Variants in RHOU observed in about 807,000 individuals in gnomAD.
The protein encoded by RHOU is rho-related GTP-binding protein RhoU.
RHOU carries 8 observed loss-of-function variants against 12.6 expected under a neutral mutation model. The ratio of observed to expected loss-of-function variants is 0.64; its 90% CI spans 0.37 to 1.15. The LOEUF (loss-of-function observed/expected upper bound fraction) is 1.15. RHOU is among the 50% of genes most tolerant of loss of function. RHOU has a pLI of 0.01. For synonymous variants in RHOU, 161 were observed against 147.4 expected (o/e 1.09, Z -0.67); for missense variants, 258 against 347.0 (o/e 0.74, Z 2.04).
chr1:228,738,099 C>T lies in RHOU; in HGVS notation c.321+368C>T, dbSNP rs1364355548. Reference sequence around the variant, plus strand: ...AACTAAGTTAGTGATGTCTTATAATCGTTTTATTAAAGGCCAGTGAGTCAG... The same window carrying T: ...AACTAAGTTAGTGATGTCTTATAATTGTTTTATTAAAGGCCAGTGAGTCAG... On this transcript the variant is annotated intron_variant, in intron 2 of 2. Coordinates refer to ENST00000366691, the MANE Select transcript of RHOU (RefSeq NM_021205.6). This position sits in a 1 kb window ranked among gnomAD's most constrained non-coding sequence, Gnocchi z 4.2. Among the ~76,000 whole-genome samples, 3 of 152,110 alleles carry T rather than the reference C, an allele frequency of 2.0e-5. No individual in the cohort carries two copies. The East Asian group carries it at 5.8e-4, about 29-fold the overall frequency.
At chr1:228,723,574 T>C in the RHOU span, among the ~76,000 whole-genome samples, 1 of 152,322 alleles carries the variant, frequency 6.6e-6, no homozygotes, top group African/African-American at 2.4e-5. Context: ...CATGTTTGGG[T>C]GGACCCAGTT....
the RHOU span, among the ~76,000 whole-genome samples, chr1:228,676,370 G>T: frequency 5.9e-5 from 9 of 152,026 alleles, no homozygotes; most frequent in Non-Finnish European, 1.2e-4. Flanking sequence ...GTTTGTTTTT[G>T]CCCAGACATG....
At chr1:228,658,770 C>A in the RHOU span, among the ~76,000 whole-genome samples, 2,339 of 152,266 alleles carry the variant, frequency 0.015, 63 homozygotes, top group African/African-American at 0.052. Flanking sequence ...TCAAGTCCTG[C>A]AGTTGGCCCT....
chr1:228,714,616 C>G, the RHOU span, among the ~76,000 whole-genome samples: 1 of 151,920 alleles, frequency 6.6e-6, no homozygotes, highest in African/African-American at 2.4e-5. Flanking sequence ...TTCAAAATAG[C>G]CTCTTGTGAT....
the RHOU span, among the ~76,000 whole-genome samples, chr1:228,716,548 C>T: frequency 2.6e-5 from 4 of 152,230 alleles, no homozygotes; most frequent in South Asian, 2.1e-4. Context: ...AGTTTAATAT[C>T]GTCTGCTTAT....
rs142593448 is a variant in RHOU at position 228,738,383 on chromosome 1, C to A, written c.321+652C>A. Among the ~76,000 whole-genome samples the A allele has an allele frequency of 1.5e-4, 23 of 152,174 alleles. No individual in the cohort carries two copies. In the East Asian group the frequency reaches 4.3e-3, roughly 28 times the overall value. On this transcript the variant is annotated intron_variant, in intron 2 of 2. Coordinates refer to ENST00000366691, the MANE Select transcript of RHOU (RefSeq NM_021205.6). This position sits in a 1 kb window ranked among gnomAD's most constrained non-coding sequence, Gnocchi z 4.2. The stretch of plus-strand genomic sequence containing the variant: ...GTGTAGGGTTCCCTCTTTGTGTTCC[C>A]CAGAAGAAGCCCCCATTGGTGGGTA...
Position 228,743,698 on chromosome 1 carries a change from C to A in RHOU, c.735C>A (p.Asn245Lys). 1 of 1,613,942 alleles carries A rather than the reference C, an allele frequency of 6.2e-7. No individual in the cohort carries two copies. Among genetic ancestry groups the A allele is most frequent in the South Asian group, 1.1e-5 (1 of 91,060 alleles). Residue 245 changes from asparagine to lysine, a missense_variant, in exon 3 of 3, where the codon AAC becomes AAA. Physicochemically the swap from Asn to Lys is moderately conservative, Grantham distance 94. Coordinates refer to ENST00000366691, the MANE Select transcript of RHOU (RefSeq NM_021205.6). This position sits in a 1 kb window ranked among gnomAD's most constrained non-coding sequence, Gnocchi z 5.1. ...GCAGGACTCCAGATAAAATGAAAAA[C>A]CTCTCCAAGTCCTGGTGGAAGAAGT... ...SKSRTPDKMK[N>K]LSKSWWKKYC...
rs41270189 is a variant in RHOU at position 228,743,141 on chromosome 1, C to G, written c.322-144C>G. 1 of 785,256 alleles carries G rather than the reference C, an allele frequency of 1.3e-6. No individual in the cohort carries two copies. The highest frequency in any genetic ancestry group is 2.4e-5 in the East Asian group (1 of 40,986). The allele number at this position is 785,256 out of a possible 1,614,324, so 48.6% of individuals were successfully genotyped here. On this transcript the variant is annotated intron_variant, in intron 2 of 2. Transcript: ENST00000366691. The surrounding 1 kb of genome is among the most constrained non-coding windows in gnomAD (Gnocchi z 5.1). ...GCCCCGCTTGGGTAAACAGTAGGATCGTTTCAAGGATGCTGGCTCTTCCTT... is the reference window on the plus strand; with the variant it reads ...GCCCCGCTTGGGTAAACAGTAGGATGGTTTCAAGGATGCTGGCTCTTCCTT...
At chr1:228,650,457 G>A in the RHOU span, 1,151 of 456,630 alleles carry the variant, frequency 2.5e-3, 12 homozygotes, top group Middle Eastern at 0.015. Flanking sequence ...CTCGGAGCAC[G>A]CTGCTGCTGC....
At chr1:228,662,076 A>G in the RHOU span, among the ~76,000 whole-genome samples, 13 of 152,258 alleles carry the variant, frequency 8.5e-5, no homozygotes, top group Non-Finnish European at 1.8e-4. Context: ...GACACATGAA[A>G]AAATGCTCAT....
At chr1:228,667,162 AT>A in the RHOU span, among the ~76,000 whole-genome samples, 1 of 152,240 alleles carries the variant, frequency 6.6e-6, no homozygotes, top group South Asian at 2.1e-4. Context: ...AAATAGGTTC[AT>A]TTAACCAACA....
the RHOU span, among the ~76,000 whole-genome samples, chr1:228,707,124 A>ATATATATATATG: frequency 2.5e-5 from 2 of 78,590 alleles, no homozygotes; most frequent in African/African-American, 3.2e-4. Context: ...ATATATATAT[A>ATATATATATATG]TACATATATA....
chr1:228,649,537 G>C, the RHOU span, among the ~76,000 whole-genome samples: 1 of 152,144 alleles, frequency 6.6e-6, no homozygotes, highest in Non-Finnish European at 1.5e-5. Flanking sequence ...GTAACTGTCT[G>C]TATTTCATTT....
At chr1:228,714,375 T>C in the RHOU span, among the ~76,000 whole-genome samples, 1 of 152,202 alleles carries the variant, frequency 6.6e-6, no homozygotes, top group Non-Finnish European at 1.5e-5. Context: ...CTTCATTTGC[T>C]CCGGAACAAT....
At chr1:228,682,767 C>T in the RHOU span, among the ~76,000 whole-genome samples, 1 of 152,218 alleles carries the variant, frequency 6.6e-6, no homozygotes, top group East Asian at 1.9e-4. Flanking sequence ...CCGGACCCAC[C>T]ACCATCCATC....
At chr1:228,711,222 G>A in the RHOU span, among the ~76,000 whole-genome samples, 1 of 151,770 alleles carries the variant, frequency 6.6e-6, no homozygotes, top group African/African-American at 2.4e-5. Flanking sequence ...TCGTGAAAAT[G>A]GCCATACTGC....
chr1:228,681,366 C>T, the RHOU span, among the ~76,000 whole-genome samples: 6 of 151,726 alleles, frequency 4.0e-5, no homozygotes, highest in African/African-American at 1.2e-4. Flanking sequence ...TTCAGCCTGG[C>T]GGGGAGCGAG....
Position 228,737,820 on chromosome 1 carries a change from G to C in RHOU, c.321+89G>C. 1 of 1,404,996 alleles carries C rather than the reference G, an allele frequency of 7.1e-7. No homozygotes were observed. 87.0% of individuals were successfully genotyped at this position (1,404,996 alleles called of 1,614,324 possible). ...CCTTTGATTCCCTCAGTCAGTAACTGGGTCATTCTAAAGCCTCATGAAGTG... is the reference window on the plus strand; with the variant it reads ...CCTTTGATTCCCTCAGTCAGTAACTCGGTCATTCTAAAGCCTCATGAAGTG... On this transcript the variant is annotated intron_variant, in intron 2 of 2. Transcript: ENST00000366691. The surrounding 1 kb of genome is among the most constrained non-coding windows in gnomAD (Gnocchi z 4.1).
the RHOU span, among the ~76,000 whole-genome samples, chr1:228,651,615 C>G: frequency 6.6e-6 from 1 of 152,194 alleles, no homozygotes. Flanking sequence ...TACTGTACTT[C>G]CAGACCCCCT....
Sources: gnomAD v4.1 joint callset for allele counts (sites outside exome capture counted in the v4.1 genomes callset) on GRCh38, gnomAD v4.1.1 for gene constraint, Gnocchi (gnomAD v3.1) non-coding constraint, MANE v1.5 for transcripts, NCBI Gene and HGNC (gene_info 2026-07-23, HGNC 2026-07-21) for gene names.